Variants in TRIO observed in about 807,000 individuals in gnomAD.
The protein encoded by TRIO is triple functional domain protein.
In TRIO, 58 loss-of-function variants were observed where a neutral mutation model predicts 351.9. That is an observed-to-expected ratio of 0.16 (90% CI 0.13 to 0.21). The LOEUF (loss-of-function observed/expected upper bound fraction) is 0.21. Ranked by LOEUF, TRIO falls within the 10% of genes least tolerant of loss-of-function variation. The pLI is 1.00. For missense variants in TRIO, 3,201 were observed against 4,027.8 expected (o/e 0.79, Z 5.56); for synonymous variants, 1,758 against 1,595.7 (o/e 1.10, Z -2.42).
At chr5:14,502,160 C>T (rs1036489385) in intron 53 of TRIO, among the ~76,000 whole-genome samples, 3 of 152,052 alleles carry the variant, frequency 2.0e-5, no homozygotes, top group Non-Finnish European at 2.9e-5. Context: ...AACTTAGCCT[C>T]GAGGTGGTGC....
In TRIO at chr5:14,452,377, C is replaced by T. The variant is rs1249356311; in HGVS notation, c.5204-8642C>T. ...TCCAAAGACTTTTTTCATACCTTTTCCCCCCAGCAGCCTGGTAAAGGCTAG... is the reference window on the plus strand; with the variant it reads ...TCCAAAGACTTTTTTCATACCTTTTTCCCCCAGCAGCCTGGTAAAGGCTAG... On this transcript the variant is annotated intron_variant, in intron 34 of 56. Transcript: ENST00000344204. 2.6e-5 allele frequency among the ~76,000 whole-genome samples: 4 copies of T among 152,288 alleles called. No homozygotes were observed. In the East Asian group the frequency reaches 5.8e-4, roughly 22 times the overall value.
intron 12 of TRIO, 75 bp from the exon 13 acceptor site, chr5:14,359,282 T>C (rs112992261): frequency 1.3e-6 from 2 of 1,536,348 alleles, no homozygotes; most frequent in Non-Finnish European, 1.8e-6. Flanking sequence ...CCCTGAAGAT[T>C]TGCGTGGCCG....
At chr5:14,219,111 A>C (rs539704143) in intron 1 of TRIO, among the ~76,000 whole-genome samples, 19 of 152,304 alleles carry the variant, frequency 1.2e-4, no homozygotes, top group Admixed American at 4.6e-4. Context: ...AATGTTTGTG[A>C]GATGGAAAAG....
At position 14,336,734 on chromosome 5, in the gene TRIO, T is replaced by C; in HGVS notation, c.2046+7T>C. ...TCACACCCATGTGAAAGAGGTAAGG[T>C]GCCAGGAGACCAAAATATGATCTGT... On this transcript the variant is annotated splice_region_variant and intron_variant, in intron 11 of 56. Transcript: ENST00000344204. 6.2e-7 allele frequency: 1 copy of C among 1,613,984 alleles called. No homozygotes were observed. The highest frequency in any genetic ancestry group is 8.5e-7 in the Non-Finnish European group (1 of 1,179,914).
At position 14,509,545 on chromosome 5, in the gene TRIO, A is replaced by G. The variant is rs1363485936; in HGVS notation, c.*1123A>G. The G allele has an allele frequency of 1.1e-5, 4 of 353,866 alleles. No homozygotes were observed. The highest frequency in any genetic ancestry group is 2.2e-5 in the Non-Finnish European group (4 of 180,764). 21.9% of individuals were successfully genotyped at this position (353,866 alleles called of 1,614,324 possible). A position where few individuals can be genotyped will look rare whatever the true frequency, so the allele number is the denominator to read the frequency against. On this transcript the variant is annotated 3_prime_UTR_variant, in exon 57 of 57. Coordinates refer to ENST00000344204, the MANE Select transcript of TRIO (RefSeq NM_007118.4). ...GTAATGTTTTAAAATTTATTATGCT[A>G]TTATTCAGAATGCCAAAGTATTATT... is the stretch of plus-strand genomic sequence containing the variant.
rs770454031 is a variant in TRIO at position 14,405,809 on chromosome 5, GCCGTT to G, written c.4717-34_4717-30del. ...GTGGTTAGGGCAAGGTCTGGAAAGG[GCCGTT>G]CCGTATCCTAAGCAACGCTAACACC... is the stretch of plus-strand genomic sequence containing the variant. On this transcript the variant is annotated intron_variant, in intron 31 of 56. Coordinates refer to ENST00000344204, the MANE Select transcript of TRIO (RefSeq NM_007118.4). 3.5e-5 allele frequency: 56 copies of G among 1,592,566 alleles called. No homozygotes were observed. The African/African-American group carries it at 6.8e-4, about 19-fold the overall frequency.
intron 27 of TRIO, among the ~76,000 whole-genome samples, chr5:14,392,936 A>T (rs1006189416): frequency 6.6e-6 from 1 of 151,966 alleles, no homozygotes; most frequent in Non-Finnish European, 1.5e-5. Context: ...TATCCCAGCT[A>T]CTTGGGAGGC....
In TRIO at chr5:14,286,542, C is replaced by T. The variant is rs1003955675; in HGVS notation, c.348-329C>T. The stretch of plus-strand genomic sequence containing the variant: ...GCTCGCAGGAGTGACTGGAGGAGTT[C>T]ATGTAATCAATTAATGCACCAAAGT... On this transcript the variant is annotated intron_variant, in intron 3 of 56. Coordinates refer to ENST00000344204, the MANE Select transcript of TRIO (RefSeq NM_007118.4). The surrounding 1 kb of genome is among the most constrained non-coding windows in gnomAD (Gnocchi z 4.4). Among the ~76,000 whole-genome samples the T allele has an allele frequency of 5.3e-5, 8 of 152,090 alleles. No individual in the cohort carries two copies. The highest frequency in any genetic ancestry group is 1.9e-4 in the African/African-American group (8 of 41,412).
rs920058246 is a variant in TRIO at position 14,487,318 on chromosome 5, T to C, written c.6836-146T>C. The C allele has an allele frequency of 1.0e-5, 10 of 977,882 alleles. No individual in the cohort carries two copies. The African/African-American group carries it at 1.7e-4, about 17-fold the overall frequency. 60.6% of individuals were successfully genotyped at this position (977,882 alleles called of 1,614,324 possible). A position where few individuals can be genotyped will look rare whatever the true frequency, so the allele number is the denominator to read the frequency against. ...TACCTTGGCAAGCAGGGGCCTCTTC[T>C]AGCTCTCCTGATGGGTGGGGTTGCT... On this transcript the variant is annotated intron_variant, in intron 47 of 56. Transcript: ENST00000344204.
intron 1 of TRIO, among the ~76,000 whole-genome samples, chr5:14,268,508 G>A (rs1452726443): frequency 6.6e-6 from 1 of 152,174 alleles, no homozygotes; most frequent in Non-Finnish European, 1.5e-5. Flanking sequence ...AGTTGGTGGT[G>A]ACATTTCTCT....
intron 1 of TRIO, among the ~76,000 whole-genome samples, chr5:14,232,723 C>T (rs1029852861): frequency 2.0e-5 from 3 of 152,146 alleles, no homozygotes; most frequent in Non-Finnish European, 2.9e-5. Context: ...AAAAATTGCC[C>T]ATTAAGTTAG....
chr5:14,388,792 A>AT (rs1273957921), intron 24 of TRIO, 113 bp downstream of exon 24: 59 of 1,214,336 alleles, frequency 4.9e-5, no homozygotes, highest in Admixed American at 1.0e-4. Flanking sequence ...TTTTTCTGTC[A>AT]TTTTTTTAAA....
chr5:14,378,115 G>A lies in TRIO; in HGVS notation c.3435G>A (p.Arg1145=). 1 of 1,611,254 alleles carries A rather than the reference G, an allele frequency of 6.2e-7. No individual in the cohort carries two copies. Among genetic ancestry groups the A allele is most frequent in the African/African-American group, 1.3e-5 (1 of 75,024 alleles). Residue 1145 remains arginine, a synonymous_variant, in exon 20 of 57, where the codon AGG becomes AGA. Transcript: ENST00000344204. ...DQCQQYVVFE[R]SAKQALEWIH... is the part of the protein sequence containing the mutation. ...GTCAGCAGTACGTGGTCTTTGAGAG[G>A]AGTGCCAAGCAGGTCAGTGCACACC...
At position 14,490,570 on chromosome 5, in the gene TRIO, C is replaced by T. The variant is rs116068526; in HGVS notation, c.7633-1997C>T. Among the ~76,000 whole-genome samples the T allele has an allele frequency of 5.9e-5, 9 of 152,346 alleles. No homozygotes were observed. The South Asian group carries it at 1.2e-3, about 21-fold the overall frequency. ...GAGCAGCAATAAAAGTGCATGCACA[C>T]TGGAGTCACTCCAGCCCTGCCTTTC... On this transcript the variant is annotated intron_variant, in intron 48 of 56. Transcript: ENST00000344204.
At chr5:14,193,923 T>C (rs1352252279) in intron 1 of TRIO, among the ~76,000 whole-genome samples, 2 of 152,172 alleles carry the variant, frequency 1.3e-5, no homozygotes, top group African/African-American at 2.4e-5. Flanking sequence ...GACTCTGCCC[T>C]GAAGTCCTTA....
At position 14,291,190 on chromosome 5, in the gene TRIO, T is replaced by C; in HGVS notation, c.1015T>C (p.Cys339Arg). The change falls in exon 5 of 57, where the codon TGC (cysteine) becomes CGC (arginine). Residue 339 changes from cysteine (C) to arginine (R), a missense_variant. Cys to Arg is a radical substitution (Grantham distance 180, BLOSUM62 -3). This residue lies in a region of TRIO where 349 missense variants were observed against 449.3 expected (regional missense o/e 0.78). Coordinates refer to ENST00000344204, the MANE Select transcript of TRIO (RefSeq NM_007118.4). ...WHVRKLKLDQ[C>R]FQLRLFEQDA... The stretch of plus-strand genomic sequence containing the variant: ...TGTGAGGAAGCTGAAGCTGGACCAG[T>C]GCTTCCAGCTGAGGCTGTTTGAACA... 6.2e-7 allele frequency: 1 copy of C among 1,614,068 alleles called. No individual in the cohort carries two copies.
intron 11 of TRIO, among the ~76,000 whole-genome samples, chr5:14,349,402 A>G (rs1196911452): frequency 2.0e-5 from 3 of 152,062 alleles, no homozygotes; most frequent in African/African-American, 7.2e-5. Flanking sequence ...CTATTATTCC[A>G]TATCTCTTTC....
At chr5:14,319,940 G>T (rs354923) in intron 9 of TRIO, among the ~76,000 whole-genome samples, 2 of 152,116 alleles carry the variant, frequency 1.3e-5, no homozygotes, top group South Asian at 4.1e-4. Flanking sequence ...GTAGTCAGGC[G>T]TGGCGGGAAA....
chr5:14,264,164 T>C (rs1166708565), intron 1 of TRIO, among the ~76,000 whole-genome samples: 1 of 152,168 alleles, frequency 6.6e-6, no homozygotes, highest in Admixed American at 6.5e-5. Context: ...ATTAAAAATA[T>C]ATATATTTGT....
Sources: allele counts gnomAD v4.1 joint callset (sites outside exome capture counted in the v4.1 genomes callset), GRCh38; gene constraint gnomAD v4.1.1; regional missense constraint gnomAD v4.1.1; non-coding constraint Gnocchi (gnomAD v3.1); transcripts MANE v1.5; gene names NCBI Gene and HGNC (gene_info 2026-07-23, HGNC 2026-07-21).